ADAMTSL1: variants seen among roughly 807,000 people sequenced by gnomAD.
The protein encoded by ADAMTSL1 is ADAMTS like 1.
ADAMTSL1 carries 126 observed loss-of-function variants against 201.8 expected under a neutral mutation model. The ratio of observed to expected loss-of-function variants is 0.62; its 90% CI spans 0.54 to 0.72. The LOEUF (loss-of-function observed/expected upper bound fraction) is 0.72, where lower values mean the gene tolerates loss of function less well. ADAMTSL1 is among the 30% of genes least tolerant of loss of function. The pLI, the probability that ADAMTSL1 is intolerant of heterozygous loss-of-function variation, is 0.00. For synonymous variants in ADAMTSL1, 1,121 were observed against 903.4 expected (o/e 1.24, Z -4.32); for missense variants, 2,679 against 2,277.8 (o/e 1.18, Z -3.59).
intron 1 of ADAMTSL1, among the ~76,000 whole-genome samples, chr9:18,118,984 G>A (rs1390203137): frequency 1.3e-5 from 2 of 152,148 alleles, no homozygotes; most frequent in Non-Finnish European, 2.9e-5. Flanking sequence ...GTACAGAGAG[G>A]TTGAGAGCAT....
chr9:17,920,673 C>G (rs776019898), intron 1 of ADAMTSL1, among the ~76,000 whole-genome samples: 12 of 152,134 alleles, frequency 7.9e-5, no homozygotes, highest in South Asian at 2.1e-4. Context: ...CTGGAAACTT[C>G]TAGAATGTTC....
At chr9:18,507,233 AT>A (rs1461640606) in intron 2 of ADAMTSL1, among the ~76,000 whole-genome samples, 1 of 152,178 alleles carries the variant, frequency 6.6e-6, no homozygotes, top group Admixed American at 6.5e-5. Context: ...TTCTAGTGGG[AT>A]TTCTGGAGAC....
chr9:18,011,671 T>C (rs1357270137), intron 1 of ADAMTSL1, among the ~76,000 whole-genome samples: 1 of 152,034 alleles, frequency 6.6e-6, no homozygotes, highest in Non-Finnish European at 1.5e-5. Flanking sequence ...TAAAACTTAA[T>C]ATTTTAGAGC....
chr9:18,805,674 C>G (rs1206148348), intron 20 of ADAMTSL1, among the ~76,000 whole-genome samples: 1 of 152,146 alleles, frequency 6.6e-6, no homozygotes, highest in East Asian at 1.9e-4. Context: ...AGCCCTTTCT[C>G]CTGCCCCTGC....
chr9:17,924,374 A>G (rs1034777107), intron 1 of ADAMTSL1, among the ~76,000 whole-genome samples: 2 of 152,066 alleles, frequency 1.3e-5, no homozygotes, highest in Non-Finnish European at 2.9e-5. Flanking sequence ...GTGTCGAGGA[A>G]TTTATCCATT....
At chr9:18,715,596 C>G (rs1317304412) in intron 14 of ADAMTSL1, among the ~76,000 whole-genome samples, 1 of 152,018 alleles carries the variant, frequency 6.6e-6, no homozygotes, top group East Asian at 1.9e-4. Flanking sequence ...AGGATACAAA[C>G]AAATGGAAGA....
At chr9:18,419,006 C>G (rs963414692) in intron 2 of ADAMTSL1, among the ~76,000 whole-genome samples, 1 of 152,130 alleles carries the variant, frequency 6.6e-6, no homozygotes, top group African/African-American at 2.4e-5. Context: ...ATCGATGTAA[C>G]AGAATAAAAA....
intron 1 of ADAMTSL1, among the ~76,000 whole-genome samples, chr9:17,991,694 G>A (rs1280480578): frequency 1.3e-5 from 2 of 152,146 alleles, no homozygotes; most frequent in African/African-American, 2.4e-5. Context: ...AACGTGACTT[G>A]CATGAAGTCC....
chr9:18,074,162 C>T (rs1823091265), intron 1 of ADAMTSL1, among the ~76,000 whole-genome samples: 1 of 152,110 alleles, frequency 6.6e-6, no homozygotes, highest in Non-Finnish European at 1.5e-5. Context: ...GTCTGAGATG[C>T]CCACCAGCTG....
chr9:17,934,902 TAAAA>T (rs59536452), intron 1 of ADAMTSL1, among the ~76,000 whole-genome samples: 296 of 143,760 alleles, frequency 2.1e-3, no homozygotes, highest in African/African-American at 4.9e-3. Context: ...CTATTTCCTT[TAAAA>T]AAAAAAAAAA....
At chr9:18,035,263 G>A (rs903241231) in intron 1 of ADAMTSL1, among the ~76,000 whole-genome samples, 1 of 152,170 alleles carries the variant, frequency 6.6e-6, no homozygotes, top group East Asian at 1.9e-4. Context: ...AGGAATGCCT[G>A]TTAGGCATAT....
At chr9:18,084,716 C>T (rs1823667382) in intron 1 of ADAMTSL1, among the ~76,000 whole-genome samples, 1 of 150,074 alleles carries the variant, frequency 6.7e-6, no homozygotes, top group Admixed American at 6.7e-5. Flanking sequence ...TCCCACCCTC[C>T]CATTGCTTTC....
rs776913536 is a variant in ADAMTSL1 at position 18,680,465 on chromosome 9, G to T, written c.1290G>T (p.Gln430His). The T allele has an allele frequency of 1.9e-6, 3 of 1,614,128 alleles. No homozygotes were observed. The highest frequency in any genetic ancestry group is 1.7e-6 in the Non-Finnish European group (2 of 1,180,016). Residue 430 changes from glutamine to histidine, a missense_variant, in exon 11 of 29, where the codon CAG becomes CAT. Coordinates refer to ENST00000380548, the MANE Select transcript of ADAMTSL1 (RefSeq NM_001040272.6). ...CMYTPKMPIAQPCNIFDCPKW... is the reference protein window; with the variant it reads ...CMYTPKMPIAHPCNIFDCPKW... ...ACACCCCTAAGATGCCCATCGCGCA[G>T]CCCTGCAACATTTTTGACTGCCCTA...
intron 2 of ADAMTSL1, among the ~76,000 whole-genome samples, chr9:18,401,281 C>CA (rs1254357823): frequency 2.0e-5 from 3 of 152,218 alleles, no homozygotes; most frequent in African/African-American, 7.2e-5. Context: ...TACCAAGTGA[C>CA]ATAGGCTTTT....
At chr9:18,068,893 C>G (rs1031950299) in intron 1 of ADAMTSL1, among the ~76,000 whole-genome samples, 1 of 152,148 alleles carries the variant, frequency 6.6e-6, no homozygotes, top group Non-Finnish European at 1.5e-5. Flanking sequence ...ACTCTGGGAC[C>G]TAGAAGAGGT....
chr9:17,940,253 T>C (rs751571908), intron 1 of ADAMTSL1, among the ~76,000 whole-genome samples: 8 of 152,048 alleles, frequency 5.3e-5, no homozygotes, highest in East Asian at 1.9e-4. Flanking sequence ...CTTTACGTCA[T>C]TGTAGAGGGT....
chr9:18,493,576 G>A (rs887389152), intron 1 of ADAMTSL1, among the ~76,000 whole-genome samples: 1 of 152,198 alleles, frequency 6.6e-6, no homozygotes, highest in Non-Finnish European at 1.5e-5. Flanking sequence ...ATTAAGCCAA[G>A]ATGTGACAGG....
chr9:18,029,832 C>T (rs1248906389), intron 1 of ADAMTSL1, among the ~76,000 whole-genome samples: 1 of 151,728 alleles, frequency 6.6e-6, no homozygotes, highest in African/African-American at 2.4e-5. Context: ...AAATGCAAAT[C>T]AAAACCACAA....
At chr9:18,906,241 C>A (rs552925232) in intron 27 of ADAMTSL1, among the ~76,000 whole-genome samples, 1 of 152,344 alleles carries the variant, frequency 6.6e-6, no homozygotes, top group Admixed American at 6.5e-5. Context: ...TCAAGCCCCT[C>A]ACTCTTGTTG....
Sources: gnomAD v4.1 joint callset for allele counts (sites outside exome capture counted in the v4.1 genomes callset) on GRCh38, gnomAD v4.1.1 for gene constraint, MANE v1.5 for transcripts, NCBI Gene and HGNC (gene_info 2026-07-23, HGNC 2026-07-21) for gene names.